The following NOD1 variants were observed in gnomAD, a reference collection of about 807,000 sequenced individuals.
NOD1 encodes nucleotide-binding oligomerization domain-containing protein 1.
In NOD1, 70 loss-of-function variants were observed where a neutral mutation model predicts 81.2. The observed-to-expected ratio is 0.86, with a 90% CI of 0.71 to 1.05. The LOEUF is 1.05. Ranked by LOEUF, NOD1 falls within the 50% of genes least tolerant of loss-of-function variation. The pLI is 0.00. For missense variants in NOD1, 1,233 were observed against 1,228.0 expected (o/e 1.00, Z -0.06); for synonymous variants, 508 against 526.9 (o/e 0.96, Z 0.49).
chr7:30,425,619 T>G lies in NOD1; in HGVS notation c.*19A>C, dbSNP rs370230825. The G allele has an allele frequency of 6.2e-7, 1 of 1,602,590 alleles. No homozygotes were observed. Among genetic ancestry groups the G allele is most frequent in the Admixed American group, 1.7e-5 (1 of 60,006 alleles). ...CTGAGGCTCCAGGGCAAAAACCCCATGAACAGGAAAGCATCCTCTCAGAAA... is the reference window on the plus strand; with the variant it reads ...CTGAGGCTCCAGGGCAAAAACCCCAGGAACAGGAAAGCATCCTCTCAGAAA... On this transcript the variant is annotated 3_prime_UTR_variant, in exon 14 of 14. Transcript: ENST00000222823.
At chr7:30,435,034 G>T (rs1784264154) in intron 11 of NOD1, among the ~76,000 whole-genome samples, 1 of 151,934 alleles carries the variant, frequency 6.6e-6, no homozygotes, top group South Asian at 2.1e-4. Flanking sequence ...GCCTTCCAAA[G>T]TACTGGGATT....
At position 30,452,714 on chromosome 7, in the gene NOD1, G is replaced by A. The variant is rs1047968307; in HGVS notation, c.703C>T (p.Arg235Cys). ...TTGAAGCAGCTGAACATGCGGCAGC[G>A]AAAGTGGAAGAAGAATTTGACCCCT... is the stretch of plus-strand genomic sequence containing the variant. The part of the protein sequence containing the change: ...DAGVKFFFHF[R>C]CRMFSCFKES... Residue 235 changes from arginine to cysteine, a missense_variant, in exon 6 of 14, where the codon CGC (arginine) becomes TGC (cysteine). Coordinates refer to ENST00000222823, the MANE Select transcript of NOD1 (RefSeq NM_006092.4). 17 of 1,613,974 alleles carry A rather than the reference G, an allele frequency of 1.1e-5. No individual in the cohort carries two copies. The highest frequency in any genetic ancestry group is 1.6e-4 in the Middle Eastern group (1 of 6,062).
chr7:30,435,864 G>T, intron 11 of NOD1, 134 bp downstream of exon 11: 1 of 676,832 alleles, frequency 1.5e-6, no homozygotes, highest in Non-Finnish European at 2.6e-6. Context: ...AGGCCAAGGC[G>T]GGAGGTTCGA....
At chr7:30,427,200 G>A (rs948674324) in intron 13 of NOD1, among the ~76,000 whole-genome samples, 4 of 152,258 alleles carry the variant, frequency 2.6e-5, no homozygotes, top group African/African-American at 9.6e-5. Flanking sequence ...GTCTGGAGGA[G>A]ATAGCCTCAC....
At chr7:30,431,494 C>T (rs999886768) in intron 12 of NOD1, among the ~76,000 whole-genome samples, 2 of 152,192 alleles carry the variant, frequency 1.3e-5, no homozygotes, top group Non-Finnish European at 2.9e-5. Flanking sequence ...TAAACCCATA[C>T]ATTTATGGTC....
At chr7:30,438,302 ATGG>A (rs1168436814) in intron 9 of NOD1, among the ~76,000 whole-genome samples, 1 of 152,186 alleles carries the variant, frequency 6.6e-6, no homozygotes, top group Middle Eastern at 3.2e-3. Context: ...GCGTGGTAAG[ATGG>A]TGGACTCCTG....
intron 2 of NOD1, 130 bp from the exon 3 acceptor site, chr7:30,459,370 T>C (rs1279176350): frequency 6.6e-6 from 1 of 152,528 alleles, no homozygotes; most frequent in Non-Finnish European, 1.5e-5. Flanking sequence ...CCTTCTTCTT[T>C]TAGGACAGTG....
chr7:30,428,836 A>C (rs1277010999), intron 13 of NOD1, among the ~76,000 whole-genome samples: 3 of 152,164 alleles, frequency 2.0e-5, no homozygotes, highest in African/African-American at 7.2e-5. Context: ...GCAAGAAAGA[A>C]GTGGCATGGC....
At position 30,452,011 on chromosome 7, in the gene NOD1, C is replaced by T. The variant is rs541531558; in HGVS notation, c.1406G>A (p.Arg469Gln). ...TLCSLGQVAHRGMEKSLFVFT... is the reference protein window; with the variant it reads ...TLCSLGQVAHQGMEKSLFVFT... ...GACAAAGAGGCTCTTCTCCATGCCC[C>T]GGTGGGCCACCTGCCCCAGCGAGCA... The change falls in exon 6 of 14, where the codon CGG becomes CAG. Residue 469 changes from arginine (R) to glutamine (Q), a missense_variant. Physicochemically the swap from Arg to Gln is conservative, Grantham distance 43. Transcript: ENST00000222823. 114 of 1,613,480 alleles carry T rather than the reference C, an allele frequency of 7.1e-5. No homozygotes were observed. The highest frequency in any genetic ancestry group is 8.8e-5 in the Non-Finnish European group (104 of 1,179,970).
chr7:30,458,227 A>T lies in NOD1; in HGVS notation c.-122+925T>A, dbSNP rs188778821. Among the ~76,000 whole-genome samples, 237 of 152,288 alleles carry T rather than the reference A, an allele frequency of 1.6e-3. 2 individuals are homozygous for T. Among genetic ancestry groups the T allele is most frequent in the Middle Eastern group, 3.4e-3 (1 of 294 alleles). ...TAACAGCAAAAAATAATAATTTTTT[A>T]AAAAAATCCCACAGAAGATCCTTCA... On this transcript the variant is annotated intron_variant, in intron 3 of 13. Transcript: ENST00000222823.
intron 9 of NOD1, among the ~76,000 whole-genome samples, chr7:30,445,565 C>T (rs1784964731): frequency 6.6e-6 from 1 of 151,648 alleles, no homozygotes; most frequent in Non-Finnish European, 1.5e-5. Context: ...TTGAGACCAG[C>T]CTGGCCAACA....
intron 4 of NOD1, among the ~76,000 whole-genome samples, chr7:30,455,583 TCTAC>T (rs1178762241): frequency 5.5e-5 from 8 of 146,404 alleles, no homozygotes; most frequent in African/African-American, 7.8e-5. Context: ...CATGGACTTC[TCTAC>T]CTCTTTTTTT....
chr7:30,461,332 C>T (rs887708593), intron 1 of NOD1, among the ~76,000 whole-genome samples: 1 of 152,088 alleles, frequency 6.6e-6, no homozygotes, highest in Admixed American at 6.5e-5. Context: ...TGCACACCCC[C>T]ATGCCTGGCT....
rs76666490 is a variant in NOD1, at chr7:30,436,107, A to G, written c.2538-26T>C. On this transcript the variant is annotated intron_variant, in intron 10 of 13. Coordinates refer to ENST00000222823, the MANE Select transcript of NOD1 (RefSeq NM_006092.4). Reference sequence around the variant, plus strand: ...CTAGGAAGGAACACACTTGGGGTGAATTATTAAAGACACATCTACATTCAA... The same window carrying G: ...CTAGGAAGGAACACACTTGGGGTGAGTTATTAAAGACACATCTACATTCAA... 2.1e-4 allele frequency: 324 copies of G among 1,555,428 alleles called. No homozygotes were observed. In the African/African-American group the frequency reaches 4.0e-3, roughly 19 times the overall value.
intron 13 of NOD1, among the ~76,000 whole-genome samples, 157 bp from the exon 14 acceptor site, chr7:30,425,867 T>C (rs1783405812): frequency 6.6e-6 from 1 of 152,202 alleles, no homozygotes; most frequent in Non-Finnish European, 1.5e-5. Flanking sequence ...AGTTCCTTCA[T>C]ATTAGCATGG....
chr7:30,475,651 G>A (rs1043209252), intron 1 of NOD1, among the ~76,000 whole-genome samples: 1 of 152,244 alleles, frequency 6.6e-6, no homozygotes, highest in Non-Finnish European at 1.5e-5. Context: ...GAGACAGGGA[G>A]GATGGCGAAG....
intron 6 of NOD1, among the ~76,000 whole-genome samples, 180 bp from the exon 7 acceptor site, chr7:30,448,561 C>T (rs543108293): frequency 2.0e-5 from 3 of 152,268 alleles, no homozygotes; most frequent in East Asian, 1.9e-4. Flanking sequence ...AACGTGGGGC[C>T]GCCAGACCCA....
At position 30,429,383 on chromosome 7, in the gene NOD1, G is replaced by C. The variant is rs766581095; in HGVS notation, c.2780C>G (p.Thr927Arg). Reference sequence around the variant, plus strand: ...AACGCTGGGATCTTACCAAATCTCTGTTATGCCAGTGTTGCTCTGTAACGC... The same window carrying C: ...AACGCTGGGATCTTACCAAATCTCTCTTATGCCAGTGTTGCTCTGTAACGC... Reference protein sequence around the residue: ...ADALQSNTGITEICLNGNLIK... With the variant: ...ADALQSNTGIREICLNGNLIK... The change falls in exon 13 of 14, where the codon ACA (threonine) becomes AGA (arginine). Residue 927 changes from threonine (T) to arginine (R), a missense_variant. Physicochemically the swap from Thr to Arg is moderately conservative, Grantham distance 71 (BLOSUM62 -1). Transcript: ENST00000222823. The C allele has an allele frequency of 6.2e-7, 1 of 1,613,644 alleles. No homozygotes were observed. Among genetic ancestry groups the C allele is most frequent in the Non-Finnish European group, 8.5e-7 (1 of 1,179,498 alleles).
In NOD1 at chr7:30,429,466, A is replaced by AAT; in HGVS notation, c.2706-10_2706-9insAT. On this transcript the variant is annotated splice_polypyrimidine_tract_variant and intron_variant, in intron 12 of 13. Coordinates refer to ENST00000222823, the MANE Select transcript of NOD1 (RefSeq NM_006092.4). ...TCTGATTCTGGATAAGCCTGAAAGAAGAACATAACTTGTATAAAATCCATA... is the reference window on the plus strand; with the variant it reads ...TCTGATTCTGGATAAGCCTGAAAGAAATGAACATAACTTGTATAAAATCCATA... The AAT allele has an allele frequency of 6.2e-7, 1 of 1,612,438 alleles. No individual in the cohort carries two copies. The highest frequency in any genetic ancestry group is 8.5e-7 in the Non-Finnish European group (1 of 1,178,446).
Sources: gnomAD v4.1 joint callset for allele counts (sites outside exome capture counted in the v4.1 genomes callset) on GRCh38, gnomAD v4.1.1 for gene constraint, MANE v1.5 for transcripts, NCBI Gene and HGNC (gene_info 2026-07-23, HGNC 2026-07-21) for gene names.